Variants in ANXA7 observed in about 807,000 individuals in gnomAD.
ANXA7 encodes the protein annexin A7.
In ANXA7, 55 loss-of-function variants were observed where a neutral mutation model predicts 64.9. That is an observed-to-expected ratio of 0.85 (90% CI 0.68 to 1.06). ANXA7 has a LOEUF of 1.06. Ranked by LOEUF, ANXA7 falls within the 50% of genes least tolerant of loss-of-function variation. The pLI is 0.00. For missense variants in ANXA7, 548 were observed against 582.1 expected (o/e 0.94, Z 0.60); for synonymous variants, 200 against 192.4 (o/e 1.04, Z -0.33).
At chr10:73,389,834 AGG>A (rs2055439597) in intron 5 of ANXA7, among the ~76,000 whole-genome samples, 1 of 152,146 alleles carries the variant, frequency 6.6e-6, no homozygotes, top group Non-Finnish European at 1.5e-5. Context: ...TATGTTGCCC[AGG>A]CTGGTATCGA....
chr10:73,376,775 TA>T (rs1330325086), intron 12 of ANXA7, among the ~76,000 whole-genome samples: 35 of 148,810 alleles, frequency 2.4e-4, no homozygotes, highest in African/African-American at 5.7e-4. Context: ...ACAGATGAAT[TA>T]AAAAAAAAAC....
rs538894594 is a variant in ANXA7 at position 73,393,852 on chromosome 10, A to G, written c.435+2667T>C. On this transcript the variant is annotated intron_variant, in intron 5 of 12. Coordinates refer to ENST00000372921, the MANE Select transcript of ANXA7 (RefSeq NM_001156.5). Reference sequence around the variant, plus strand: ...AGCAATGGCAACAAAAGCCAAAATTAAGAAATGGGATCTAATTAAACCAAA... The same window carrying G: ...AGCAATGGCAACAAAAGCCAAAATTGAGAAATGGGATCTAATTAAACCAAA... 7.6e-3 allele frequency among the ~76,000 whole-genome samples: 1,165 copies of G among 152,308 alleles called. 13 individuals carry two copies. The highest frequency in any genetic ancestry group is 0.026 in the African/African-American group (1,100 of 41,568).
chr10:73,396,338 T>A (rs548503887), intron 5 of ANXA7, among the ~76,000 whole-genome samples, 181 bp downstream of exon 5: 31 of 152,274 alleles, frequency 2.0e-4, no homozygotes, highest in African/African-American at 7.5e-4. Context: ...CTTCTCAAAG[T>A]CATCAGGACA....
chr10:73,390,533 G>A (rs1424651740), intron 5 of ANXA7, among the ~76,000 whole-genome samples: 2 of 151,730 alleles, frequency 1.3e-5, no homozygotes, highest in Non-Finnish European at 2.9e-5. Flanking sequence ...AATTTTATAA[G>A]CCTTCATGTC....
At chr10:73,406,186 C>T (rs1039786629) in intron 1 of ANXA7, among the ~76,000 whole-genome samples, 1 of 152,144 alleles carries the variant, frequency 6.6e-6, no homozygotes, top group Admixed American at 6.5e-5. Flanking sequence ...GAACTCCTGA[C>T]CTCAGGTGAT....
intron 5 of ANXA7, among the ~76,000 whole-genome samples, chr10:73,390,156 A>T (rs1024579956): frequency 2.6e-5 from 4 of 152,228 alleles, no homozygotes; most frequent in African/African-American, 9.6e-5. Flanking sequence ...TATCATTTAA[A>T]CATGCAATCA....
intron 5 of ANXA7, among the ~76,000 whole-genome samples, chr10:73,388,941 T>C (rs921146707): frequency 6.6e-6 from 1 of 152,190 alleles, no homozygotes; most frequent in Non-Finnish European, 1.5e-5. Flanking sequence ...ATTTAGCAAA[T>C]ACTATGGTAG....
Position 73,397,199 on chromosome 10 carries a change from G to C in ANXA7, c.335C>G (p.Ser112Cys). The C allele has an allele frequency of 1.2e-6, 2 of 1,611,716 alleles. No individual in the cohort carries two copies. The highest frequency in any genetic ancestry group is 1.7e-6 in the Non-Finnish European group (2 of 1,178,590). ...AACCTGTGCTGGACCACCTCCATAAGACTGTGAAGGTGGCTGTGGATACCC... is the reference window on the plus strand; with the variant it reads ...AACCTGTGCTGGACCACCTCCATAACACTGTGAAGGTGGCTGTGGATACCC... ...FSGYPQPPSQ[S>C]YGGGPAQVPL... The change falls in exon 4 of 13, where the codon TCT becomes TGT. Residue 112 changes from serine (S) to cysteine (C), a missense_variant. Coordinates refer to ENST00000372921, the MANE Select transcript of ANXA7 (RefSeq NM_001156.5).
At chr10:73,410,655 G>C (rs1411367178) in intron 1 of ANXA7, among the ~76,000 whole-genome samples, 2 of 151,884 alleles carry the variant, frequency 1.3e-5, no homozygotes, top group Non-Finnish European at 2.9e-5. Context: ...GGTGGCGTGT[G>C]ACTGTAATCC....
intron 5 of ANXA7, among the ~76,000 whole-genome samples, chr10:73,388,720 G>A (rs2132666741): frequency 6.6e-6 from 1 of 152,180 alleles, no homozygotes; most frequent in East Asian, 1.9e-4. Context: ...AGAATAGGAA[G>A]AAAAAAGAAG....
At chr10:73,399,674 A>C (rs2055628957) in intron 2 of ANXA7, among the ~76,000 whole-genome samples, 1 of 151,862 alleles carries the variant, frequency 6.6e-6, no homozygotes, top group African/African-American at 2.4e-5. Flanking sequence ...TACAAAACCT[A>C]GCTGGGCGTG....
Position 73,396,526 on chromosome 10 carries a change from G to A in ANXA7, c.428C>T (p.Pro143Leu). ...AAGGTAGGAACAAAATACCTGACTA[G>A]GGTAAGTAGGTTGTCCTCCAGGATA... ...SQYPGGQPTY[P>L]SQPATVTQVT... The change falls in exon 5 of 13, where the codon CCT (proline) becomes CTT (leucine). Residue 143 changes from proline to leucine, a missense_variant. Physicochemically the swap from Pro to Leu is moderately conservative, Grantham distance 98. Coordinates refer to ENST00000372921, the MANE Select transcript of ANXA7 (RefSeq NM_001156.5). The A allele has an allele frequency of 6.2e-7, 1 of 1,609,534 alleles. No individual in the cohort carries two copies. Among genetic ancestry groups the A allele is most frequent in the Non-Finnish European group, 8.5e-7 (1 of 1,177,500 alleles).
At chr10:73,379,559 A>C (rs1005180075) in intron 11 of ANXA7, among the ~76,000 whole-genome samples, 1 of 152,184 alleles carries the variant, frequency 6.6e-6, no homozygotes, top group Admixed American at 6.5e-5. Flanking sequence ...CTTTCTCTTT[A>C]AAGGAAGTGC....
intron 5 of ANXA7, among the ~76,000 whole-genome samples, chr10:73,395,611 CTG>C (rs1228112215): frequency 1.3e-5 from 2 of 152,060 alleles, no homozygotes; most frequent in Non-Finnish European, 2.9e-5. Context: ...TGGTGAAACC[CTG>C]TCTCTACTAA....
chr10:73,391,009 C>A (rs370985551), intron 5 of ANXA7, among the ~76,000 whole-genome samples: 4 of 147,396 alleles, frequency 2.7e-5, no homozygotes, highest in African/African-American at 1.0e-4. Flanking sequence ...GTCTCTACTA[C>A]AAATACAAAA....
At chr10:73,412,425 C>T (rs2055858986) in intron 1 of ANXA7, among the ~76,000 whole-genome samples, 1 of 151,848 alleles carries the variant, frequency 6.6e-6, no homozygotes, top group African/African-American at 2.4e-5. Flanking sequence ...TTGTAAAAAG[C>T]TAAATAACAC....
chr10:73,394,604 G>GT lies in ANXA7; in HGVS notation c.435+1914dup, dbSNP rs533534553. 1.8e-4 allele frequency among the ~76,000 whole-genome samples: 27 copies of GT among 152,242 alleles called. No individual in the cohort carries two copies. In the East Asian group the frequency reaches 4.4e-3, roughly 25 times the overall value. On this transcript the variant is annotated intron_variant, in intron 5 of 12. Transcript: ENST00000372921. ...AAACCATCATTCTGAGCAAACTATC[G>GT]TAAGGACAGAAAACCAGACACCGCA...
At chr10:73,384,975 A>G (rs1304313394) in intron 7 of ANXA7, among the ~76,000 whole-genome samples, 1 of 152,190 alleles carries the variant, frequency 6.6e-6, no homozygotes, top group East Asian at 1.9e-4. Context: ...AGCTTTAAAA[A>G]AAAAAAGAAA....
At chr10:73,391,021 T>TTA (rs372652586) in intron 5 of ANXA7, among the ~76,000 whole-genome samples, 15,751 of 151,304 alleles carry the variant, frequency 0.1, 1,165 homozygotes, top group East Asian at 0.3. Context: ...AATACAAAAA[T>TTA]GCTGGGCGTG....
Sources: gnomAD v4.1 joint callset for allele counts (sites outside exome capture counted in the v4.1 genomes callset) on GRCh38, gnomAD v4.1.1 for gene constraint, MANE v1.5 for transcripts, NCBI Gene and HGNC (gene_info 2026-07-23, HGNC 2026-07-21) for gene names.